Variants in TMEM132C observed in about 807,000 individuals in gnomAD.
TMEM132C encodes the protein protein phosphatase 1, regulatory subunit 152.
TMEM132C carries 29 observed loss-of-function variants against 61.4 expected under a neutral mutation model. That is an observed-to-expected ratio of 0.47 (90% CI 0.35 to 0.64). The LOEUF is 0.64. TMEM132C is among the 30% of genes least tolerant of loss of function. The pLI is 0.00. For missense variants in TMEM132C, 1,408 were observed against 1,476.9 expected (o/e 0.95, Z 0.76); for synonymous variants, 656 against 633.1 (o/e 1.04, Z -0.54).
chr12:128,489,110 G>A (rs1871612852), intron 2 of TMEM132C, among the ~76,000 whole-genome samples: 1 of 152,082 alleles, frequency 6.6e-6, no homozygotes, highest in South Asian at 2.1e-4. Context: ...GGCAGTGGGC[G>A]GCAGGTGCCT....
At chr12:128,649,412 C>T (rs748685990) in intron 4 of TMEM132C, among the ~76,000 whole-genome samples, 1 of 152,182 alleles carries the variant, frequency 6.6e-6, no homozygotes, top group Non-Finnish European at 1.5e-5. Flanking sequence ...ATTTTATTGG[C>T]TGCAAAGGAT....
At chr12:128,431,805 C>T (rs568528342) in intron 2 of TMEM132C, among the ~76,000 whole-genome samples, 7 of 152,172 alleles carry the variant, frequency 4.6e-5, no homozygotes, top group African/African-American at 1.7e-4. Context: ...GATTCACCTG[C>T]CTTGGCCCCC....
intron 2 of TMEM132C, among the ~76,000 whole-genome samples, chr12:128,541,027 G>GTCTCTCTGTC (rs1555230918): frequency 6.7e-6 from 1 of 149,700 alleles, no homozygotes; most frequent in Non-Finnish European, 1.5e-5. Flanking sequence ...CTCTTTCTCT[G>GTCTCTCTGTC]TCTCTCTCTC....
chr12:128,440,996 G>A (rs1048457775), intron 2 of TMEM132C, among the ~76,000 whole-genome samples: 88 of 152,232 alleles, frequency 5.8e-4, no homozygotes, highest in African/African-American at 2.0e-3. Flanking sequence ...AGCTCAGATC[G>A]CGCCACTGCA....
At chr12:128,536,579 G>A (rs1329054563) in intron 2 of TMEM132C, among the ~76,000 whole-genome samples, 2 of 151,962 alleles carry the variant, frequency 1.3e-5, no homozygotes, top group East Asian at 1.9e-4. Flanking sequence ...TTGCTGCTAT[G>A]AGGGTTGGAC....
chr12:128,677,882 G>A (rs1223473032), intron 5 of TMEM132C, among the ~76,000 whole-genome samples: 2 of 152,198 alleles, frequency 1.3e-5, no homozygotes, highest in Non-Finnish European at 2.9e-5. Context: ...AGCAGGCCTG[G>A]CTTTTCCCCA....
intron 1 of TMEM132C, among the ~76,000 whole-genome samples, chr12:128,374,545 G>A (rs780579738): frequency 6.6e-6 from 1 of 152,116 alleles, no homozygotes; most frequent in Non-Finnish European, 1.5e-5. Context: ...GCTATTTGGC[G>A]CCTGACAGCT....
Position 128,510,464 on chromosome 12 carries a change from A to G in TMEM132C, c.975-33493A>G, listed in dbSNP as rs188189376. 3.9e-4 allele frequency among the ~76,000 whole-genome samples: 59 copies of G among 152,272 alleles called. 1 individual carries two copies. The highest frequency in any genetic ancestry group is 1.3e-4 in the Non-Finnish European group (9 of 68,034). Reference sequence around the variant, plus strand: ...AGGTTTGCTTGTCTCTCTGCCCTGCATCTCTTTCCGGGCTAAGGCCTCTCA... The same window carrying G: ...AGGTTTGCTTGTCTCTCTGCCCTGCGTCTCTTTCCGGGCTAAGGCCTCTCA... On this transcript the variant is annotated intron_variant, in intron 2 of 8. Transcript: ENST00000435159.
rs574662271 is a variant in TMEM132C at position 128,499,372 on chromosome 12, C to T, written c.975-44585C>T. Among the ~76,000 whole-genome samples, 4 of 152,138 alleles carry T rather than the reference C, an allele frequency of 2.6e-5. No homozygotes were observed. In the South Asian group the frequency reaches 8.3e-4, roughly 32 times the overall value. On this transcript the variant is annotated intron_variant, in intron 2 of 8. Transcript: ENST00000435159. ...GATCAAATTAGGGTAATTGGGGTAT[C>T]CATCACCTCAAGCATTTAGCATTTC...
At chr12:128,533,174 C>T (rs1002028750) in intron 2 of TMEM132C, among the ~76,000 whole-genome samples, 4 of 152,128 alleles carry the variant, frequency 2.6e-5, no homozygotes, top group Non-Finnish European at 2.9e-5. Flanking sequence ...CAGAGGCTTT[C>T]CTGCGCAATG....
At chr12:128,656,066 T>G (rs1954322989) in intron 4 of TMEM132C, among the ~76,000 whole-genome samples, 1 of 152,218 alleles carries the variant, frequency 6.6e-6, no homozygotes, top group Non-Finnish European at 1.5e-5. Context: ...TTGTTTGTTT[T>G]TTGAGAAGGA....
At chr12:128,427,293 A>G (rs10773541) in intron 2 of TMEM132C, among the ~76,000 whole-genome samples, 95,175 of 151,836 alleles carry the variant, frequency 0.63, 30,029 homozygotes, top group South Asian at 0.72. Context: ...TCCTGGAACC[A>G]CCTTGCTGTA....
At chr12:128,503,410 C>T (rs1872247072) in intron 2 of TMEM132C, among the ~76,000 whole-genome samples, 1 of 152,230 alleles carries the variant, frequency 6.6e-6, no homozygotes, top group African/African-American at 2.4e-5. Flanking sequence ...AACTCTTCCT[C>T]CTCAGTCTGC....
At chr12:128,547,674 C>T (rs1433116215) in intron 3 of TMEM132C, among the ~76,000 whole-genome samples, 1 of 152,120 alleles carries the variant, frequency 6.6e-6, no homozygotes, top group Admixed American at 6.6e-5. Flanking sequence ...TGGCCACATC[C>T]CCGTGTTGGC....
chr12:128,341,365 G>C (rs1049289587), intron 1 of TMEM132C, among the ~76,000 whole-genome samples: 1 of 152,160 alleles, frequency 6.6e-6, no homozygotes, highest in Admixed American at 6.5e-5. Context: ...ATTTGGAGTA[G>C]TAAAGGAAGA....
At chr12:128,479,686 T>C (rs961686449) in intron 2 of TMEM132C, among the ~76,000 whole-genome samples, 1 of 152,180 alleles carries the variant, frequency 6.6e-6, no homozygotes, top group Non-Finnish European at 1.5e-5. Flanking sequence ...TCTGGCGCTT[T>C]AGAGGAGTTG....
At chr12:128,556,381 T>C (rs1874330614) in intron 3 of TMEM132C, among the ~76,000 whole-genome samples, 1 of 152,216 alleles carries the variant, frequency 6.6e-6, no homozygotes, top group Admixed American at 6.5e-5. Context: ...ATGGCGCCCA[T>C]GAGAACCTGC....
In TMEM132C at chr12:128,326,158, G is replaced by T. The variant is rs1381163460; in HGVS notation, c.85+58671G>T. Among the ~76,000 whole-genome samples the T allele has an allele frequency of 6.6e-6, 1 of 152,042 alleles. No individual in the cohort carries two copies. The highest frequency in any genetic ancestry group is 1.5e-5 in the Non-Finnish European group (1 of 68,012). On this transcript the variant is annotated intron_variant, in intron 1 of 8. Coordinates refer to ENST00000435159, the MANE Select transcript of TMEM132C (RefSeq NM_001136103.3). The surrounding 1 kb of genome is among the most constrained non-coding windows in gnomAD (Gnocchi z 5.6). ...TAAATACCATTTGTCACATTTTATT[G>T]TTTTTATGAGGGTGAGGGAACTGTA...
chr12:128,358,225 G>A (rs1049236997), intron 1 of TMEM132C, among the ~76,000 whole-genome samples: 3 of 152,112 alleles, frequency 2.0e-5, no homozygotes, highest in Non-Finnish European at 2.9e-5. Context: ...ACTCAGAAGA[G>A]GTAGGTTTAC....
Sources: gnomAD v4.1 joint callset for allele counts (sites outside exome capture counted in the v4.1 genomes callset) on GRCh38, gnomAD v4.1.1 for gene constraint, Gnocchi (gnomAD v3.1) non-coding constraint, MANE v1.5 for transcripts, NCBI Gene and HGNC (gene_info 2026-07-23, HGNC 2026-07-21) for gene names.